The following DENND11 variants were observed in gnomAD, a reference collection of about 807,000 sequenced individuals.
DENND11 encodes the protein DENN domain-containing protein 11.
DENND11 carries 34 observed loss-of-function variants against 49.2 expected under a neutral mutation model. The ratio of observed to expected loss-of-function variants is 0.69; its 90% CI spans 0.53 to 0.92. DENND11 has a LOEUF of 0.92. DENND11 is among the 40% of genes least tolerant of loss of function. The pLI is 0.00. For synonymous variants in DENND11, 238 were observed against 230.3 expected, an observed-to-expected ratio of 1.03 and a Z score of -0.30; for missense variants, 475 against 581.6, an observed-to-expected ratio of 0.82 and a Z score of 1.88.
At chr7:141,687,362 G>C (rs770463498) in intron 1 of DENND11, among the ~76,000 whole-genome samples, 1 of 152,148 alleles carries the variant, frequency 6.6e-6, no homozygotes, top group African/African-American at 2.4e-5. Context: ...CAAAGTCCCT[G>C]ACCTCAGTGA....
At chr7:141,701,789 A>G (rs1798524398) in intron 1 of DENND11, 97 bp downstream of exon 1, 1 of 981,102 alleles carries the variant, frequency 1.0e-6, no homozygotes, top group Non-Finnish European at 1.3e-6. Flanking sequence ...CGGGGCCGGG[A>G]GGGCAGGTGC....
chr7:141,684,256 T>G (rs916440094), intron 3 of DENND11, among the ~76,000 whole-genome samples: 6 of 152,208 alleles, frequency 3.9e-5, no homozygotes, highest in Non-Finnish European at 8.8e-5. Flanking sequence ...GTTTATATAT[T>G]GTTTCCCAGT....
intron 4 of DENND11, among the ~76,000 whole-genome samples, chr7:141,667,561 G>A (rs1797914154): frequency 8.3e-6 from 1 of 120,468 alleles, no homozygotes; most frequent in Admixed American, 9.1e-5. Flanking sequence ...TGGGCCTTGT[G>A]AGCTTTGTGA....
chr7:141,666,241 T>C, intron 5 of DENND11, 46 bp downstream of exon 5: 2 of 1,532,912 alleles, frequency 1.3e-6, no homozygotes, highest in Non-Finnish European at 1.8e-6. Context: ...AAGCAGTTTC[T>C]GCTCCAGGGA....
chr7:141,699,282 G>A (rs116401728), intron 1 of DENND11, among the ~76,000 whole-genome samples: 105 of 152,084 alleles, frequency 6.9e-4, no homozygotes, highest in African/African-American at 2.3e-3. Context: ...TGCCACTATG[G>A]GCCTCACTCC....
Position 141,701,980 on chromosome 7 carries a change from C to T in DENND11, c.174G>A (p.Pro58=). 2 of 1,157,398 alleles carry T rather than the reference C, an allele frequency of 1.7e-6. No individual in the cohort carries two copies. The highest frequency in any genetic ancestry group is 2.1e-6 in the Non-Finnish European group (2 of 940,638). The allele number at this position is 1,157,398 out of a possible 1,614,324, so 71.7% of individuals were successfully genotyped here. A position where few individuals can be genotyped will look rare whatever the true frequency, so the allele number is the denominator to read the frequency against. The change falls in exon 1 of 9, where the codon CCG becomes CCA. Residue 58 remains proline (P), a synonymous_variant. Transcript: ENST00000536163. ...RRREPEEPAA[P]EVLLQPGRLE... The stretch of plus-strand genomic sequence containing the variant: ...GGCGCCCGGGCTGCAGCAGCACCTC[C>T]GGGGCGGCCGGCTCCTCGGGCTCCC...
At chr7:141,701,418 G>C (rs1363351818) in intron 1 of DENND11, 2 of 128,696 alleles carry the variant, frequency 1.6e-5, no homozygotes, top group African/African-American at 2.9e-5. Context: ...GACGGGGTGG[G>C]GGGCGAGCGG....
At chr7:141,696,927 T>TCAG (rs1320064449) in intron 1 of DENND11, among the ~76,000 whole-genome samples, 1 of 152,192 alleles carries the variant, frequency 6.6e-6, no homozygotes, top group Admixed American at 6.5e-5. Flanking sequence ...GAGAAAAGCA[T>TCAG]CAGGATAAAG....
rs759433714 is a variant in DENND11 at position 141,662,666 on chromosome 7, CAG to C, written c.1356_1357del (p.Cys453LeufsTer48). The C allele has an allele frequency of 2.5e-6, 4 of 1,589,478 alleles. No homozygotes were observed. Among genetic ancestry groups the C allele is most frequent in the South Asian group, 1.2e-5 (1 of 86,316 alleles). On this transcript the variant is annotated frameshift_variant, in exon 9 of 9. Coordinates refer to ENST00000536163, the MANE Select transcript of DENND11 (RefSeq NM_001080392.2). LOFTEE classifies it high-confidence loss of function. ...TCCTGTTGGCTCCTCCTACGGGCAA[CAG>C]GGGTTGTCGATAACCAGCATGACAT...
Position 141,662,655 on chromosome 7 carries a change from C to A in DENND11, c.*1G>T. The A allele has an allele frequency of 6.4e-7, 1 of 1,572,510 alleles. No individual in the cohort carries two copies. Among genetic ancestry groups the A allele is most frequent in the Non-Finnish European group, 8.6e-7 (1 of 1,160,004 alleles). ...GTGGCTCCCAGTCCTGTTGGCTCCT[C>A]CTACGGGCAACAGGGGTTGTCGATA... On this transcript the variant is annotated 3_prime_UTR_variant, in exon 9 of 9. Coordinates refer to ENST00000536163, the MANE Select transcript of DENND11 (RefSeq NM_001080392.2).
At chr7:141,684,082 C>T (rs1798191640) in intron 3 of DENND11, among the ~76,000 whole-genome samples, 2 of 152,170 alleles carry the variant, frequency 1.3e-5, no homozygotes, top group African/African-American at 2.4e-5. Flanking sequence ...TGCACACCAC[C>T]ATGCCTGGCT....
intron 4 of DENND11, among the ~76,000 whole-genome samples, chr7:141,669,792 A>G (rs1338412900): frequency 2.0e-5 from 3 of 149,364 alleles, no homozygotes; most frequent in Non-Finnish European, 3.0e-5. Flanking sequence ...GACAAGTATT[A>G]TTATATCATA....
chr7:141,676,189 ATAC>A (rs1798058324), intron 3 of DENND11, among the ~76,000 whole-genome samples: 4 of 152,314 alleles, frequency 2.6e-5, no homozygotes, highest in Non-Finnish European at 4.4e-5. Context: ...TCATATTTTA[ATAC>A]TACATTTTCT....
chr7:141,687,802 T>G (rs567855325), intron 1 of DENND11, among the ~76,000 whole-genome samples: 2 of 151,920 alleles, frequency 1.3e-5, no homozygotes, highest in Non-Finnish European at 2.9e-5. Context: ...GCCCGGCTAA[T>G]TTTTTGTATT....
In DENND11 at chr7:141,658,250, C is replaced by T. The variant is rs1797729002; in HGVS notation, c.*4406G>A. On this transcript the variant is annotated 3_prime_UTR_variant, in exon 9 of 9. Transcript: ENST00000536163. Reference sequence around the variant, plus strand: ...TTATAAGAAAAACATTAACTTAATTCACAGTTAGCCTTTTCCCACAACACT... The same window carrying T: ...TTATAAGAAAAACATTAACTTAATTTACAGTTAGCCTTTTCCCACAACACT... 2 of 152,272 alleles carry T rather than the reference C, an allele frequency of 1.3e-5. No homozygotes were observed. The highest frequency in any genetic ancestry group is 2.1e-4 in the South Asian group (1 of 4,822). The allele number at this position is 152,272 out of a possible 1,614,324, so 9.4% of individuals were successfully genotyped here. A position where few individuals can be genotyped will look rare whatever the true frequency, so the allele number is the denominator to read the frequency against.
In DENND11 at chr7:141,665,328, TAGA is replaced by T; in HGVS notation, c.821-13_821-11del. 1 of 1,613,422 alleles carries T rather than the reference TAGA, an allele frequency of 6.2e-7. No individual in the cohort carries two copies. Among genetic ancestry groups the T allele is most frequent in the South Asian group, 1.1e-5 (1 of 90,946 alleles). ...CAGCAGCAGCAGTACACTGTGGGGATAGAGGAGGTGAGCGGGGAGGGTCTGCCC... is the reference window on the plus strand; with the variant it reads ...CAGCAGCAGCAGTACACTGTGGGGATGGAGGTGAGCGGGGAGGGTCTGCCC... On this transcript the variant is annotated splice_polypyrimidine_tract_variant and intron_variant, in intron 5 of 8. Transcript: ENST00000536163.
intron 3 of DENND11, among the ~76,000 whole-genome samples, chr7:141,675,846 G>A (rs867252602): frequency 9.9e-5 from 15 of 151,974 alleles, no homozygotes; most frequent in African/African-American, 3.6e-4. Context: ...GGATGATAGC[G>A]CCAATTTCAG....
At chr7:141,682,289 C>A (rs1798159633) in intron 3 of DENND11, among the ~76,000 whole-genome samples, 1 of 152,172 alleles carries the variant, frequency 6.6e-6, no homozygotes, top group Non-Finnish European at 1.5e-5. Flanking sequence ...GAAGAGTATA[C>A]ATGGATACCT....
At chr7:141,675,755 C>A (rs1398939344) in intron 3 of DENND11, among the ~76,000 whole-genome samples, 1 of 151,692 alleles carries the variant, frequency 6.6e-6, no homozygotes, top group African/African-American at 2.4e-5. Context: ...AAAGTGATGA[C>A]AAGAGACCTT....
Sources: allele counts gnomAD v4.1 joint callset (sites outside exome capture counted in the v4.1 genomes callset), GRCh38; gene constraint gnomAD v4.1.1; transcripts MANE v1.5; gene names NCBI Gene and HGNC (gene_info 2026-07-23, HGNC 2026-07-21).